The following KCNS3 variants were observed in gnomAD, a reference collection of about 807,000 sequenced individuals.
KCNS3 encodes the protein potassium voltage-gated channel modifier subfamily S member 3.
KCNS3 carries 13 observed loss-of-function variants against 31.0 expected under a neutral mutation model. That is an observed-to-expected ratio of 0.42 (90% CI 0.27 to 0.67). The LOEUF (loss-of-function observed/expected upper bound fraction) is 0.67. KCNS3 is among the 30% of genes least tolerant of loss of function. The pLI, the probability that KCNS3 is intolerant of heterozygous loss-of-function variation, is 0.25. For missense variants in KCNS3, 545 were observed against 622.4 expected, an observed-to-expected ratio of 0.88 and a Z score of 1.32; for synonymous variants, 238 against 241.5, an observed-to-expected ratio of 0.99 and a Z score of 0.13.
intron 2 of KCNS3, among the ~76,000 whole-genome samples, chr2:17,927,706 T>C (rs1187009277): frequency 2.0e-5 from 3 of 152,158 alleles, no homozygotes; most frequent in African/African-American, 7.2e-5. Flanking sequence ...ACCCCCATGA[T>C]CCAATCACCT....
chr2:17,916,828 C>CT (rs11296020), intron 1 of KCNS3, among the ~76,000 whole-genome samples: 101 of 146,704 alleles, frequency 6.9e-4, no homozygotes, highest in African/African-American at 7.0e-4. Context: ...GCCAGAGGCA[C>CT]TTTTTTTTTT....
At chr2:17,920,119 C>T (rs1423581045) in intron 2 of KCNS3, among the ~76,000 whole-genome samples, 1 of 151,952 alleles carries the variant, frequency 6.6e-6, no homozygotes, top group Non-Finnish European at 1.5e-5. Flanking sequence ...AAAAAGAAGG[C>T]AGTGTTAAAT....
intron 1 of KCNS3, among the ~76,000 whole-genome samples, chr2:17,909,360 C>A (rs1429829472): frequency 6.6e-6 from 1 of 152,136 alleles, no homozygotes; most frequent in African/African-American, 2.4e-5. Flanking sequence ...ATCTGTCACC[C>A]CTTACCTTAG....
chr2:17,888,388 A>G (rs1661741523), intron 1 of KCNS3, among the ~76,000 whole-genome samples: 1 of 151,770 alleles, frequency 6.6e-6, no homozygotes, highest in African/African-American at 2.4e-5. Flanking sequence ...TGATTTTCGT[A>G]TAAGATGAGA....
intron 2 of KCNS3, among the ~76,000 whole-genome samples, chr2:17,919,855 A>G (rs760075449): frequency 2.6e-5 from 4 of 152,216 alleles, no homozygotes; most frequent in African/African-American, 9.6e-5. Context: ...GATCCTCGCC[A>G]TGCTCAGACA....
At chr2:17,905,585 T>C (rs13409836) in intron 1 of KCNS3, among the ~76,000 whole-genome samples, 32,427 of 151,846 alleles carry the variant, frequency 0.21, 3,895 homozygotes, top group East Asian at 0.46. Context: ...CAGTATGATA[T>C]TGGCTGTGGG....
intron 1 of KCNS3, among the ~76,000 whole-genome samples, chr2:17,880,449 A>G (rs1271991289): frequency 1.4e-4 from 21 of 152,126 alleles, no homozygotes; most frequent in Admixed American, 1.3e-3. Flanking sequence ...CTCTTGTTCT[A>G]ATATTATGTT....
intron 1 of KCNS3, among the ~76,000 whole-genome samples, chr2:17,904,101 A>G: frequency 6.6e-6 from 1 of 152,182 alleles, no homozygotes. Context: ...CTATTTCTCC[A>G]CATCCTCTCC....
intron 2 of KCNS3, among the ~76,000 whole-genome samples, chr2:17,929,126 GAT>G (rs1421491915): frequency 2.0e-5 from 3 of 152,186 alleles, no homozygotes; most frequent in African/African-American, 7.2e-5. Context: ...TCTTTGGACT[GAT>G]ATACAGGGTC....
At position 17,902,334 on chromosome 2, in the gene KCNS3, CTG is replaced by C. The variant is rs61498649; in HGVS notation, c.-251-15306_-251-15305del. ...CAGAGAGGAATTTGAGGTTGGGAGA[CTG>C]TGTGTGTGTGTGTGTGTGTGTGTGT... is the stretch of plus-strand genomic sequence containing the variant. On this transcript the variant is annotated intron_variant, in intron 1 of 2. Transcript: ENST00000304101. 9.2e-3 allele frequency among the ~76,000 whole-genome samples: 1,376 copies of C among 149,726 alleles called. 30 individuals are homozygous for C. Among genetic ancestry groups the C allele is most frequent in the East Asian group, 0.083 (413 of 5,006 alleles).
rs1219557587 is a variant in KCNS3, at chr2:17,932,245, T to C, written c.1237T>C (p.Tyr413His). The change falls in exon 3 of 3, where the codon TAC becomes CAC. Residue 413 changes from tyrosine to histidine, a missense_variant. Coordinates refer to ENST00000304101, the MANE Select transcript of KCNS3 (RefSeq NM_002252.5). The part of the protein sequence containing the change: ...TIIFNKFSKY[Y>H]QKQKDIDVDQ... Reference sequence around the variant, plus strand: ...CATCTTCAACAAGTTTTCCAAGTACTACCAGAAGCAAAAGGACATTGATGT... The same window carrying C: ...CATCTTCAACAAGTTTTCCAAGTACCACCAGAAGCAAAAGGACATTGATGT... 1 of 1,613,734 alleles carries C rather than the reference T, an allele frequency of 6.2e-7. No homozygotes were observed. The highest frequency in any genetic ancestry group is 2.2e-5 in the East Asian group (1 of 44,886).
At chr2:17,892,259 T>C (rs1661877831) in intron 1 of KCNS3, among the ~76,000 whole-genome samples, 1 of 150,228 alleles carries the variant, frequency 6.7e-6, no homozygotes, top group Non-Finnish European at 1.5e-5. Flanking sequence ...TAAAAGTGGG[T>C]CTGAAGTTTC....
At chr2:17,927,033 G>A (rs1662855067) in intron 2 of KCNS3, among the ~76,000 whole-genome samples, 1 of 152,156 alleles carries the variant, frequency 6.6e-6, no homozygotes, top group Non-Finnish European at 1.5e-5. Context: ...GCTTTTAAGA[G>A]CACCTAGGTC....
At chr2:17,925,997 T>C (rs190637748) in intron 2 of KCNS3, among the ~76,000 whole-genome samples, 368 of 152,252 alleles carry the variant, frequency 2.4e-3, no homozygotes, top group Middle Eastern at 6.8e-3. Flanking sequence ...CAAGATACAA[T>C]GGGGGTACAG....
intron 1 of KCNS3, among the ~76,000 whole-genome samples, chr2:17,886,510 G>T (rs2125232236): frequency 6.6e-6 from 1 of 152,298 alleles, no homozygotes; most frequent in Admixed American, 6.5e-5. Context: ...GGCCACTGAT[G>T]TAAGACCCCA....
chr2:17,920,325 C>G (rs1245144540), intron 2 of KCNS3, among the ~76,000 whole-genome samples: 2 of 152,144 alleles, frequency 1.3e-5, no homozygotes, highest in Non-Finnish European at 2.9e-5. Flanking sequence ...AAAGCAGGTG[C>G]ATTATCAGAG....
In KCNS3 at chr2:17,884,264, AAAAAATATATATATAT is replaced by A. The variant is rs1480098224; in HGVS notation, c.-252+5460_-252+5475del. 1.7e-3 allele frequency among the ~76,000 whole-genome samples: 82 copies of A among 48,052 alleles called. 1 individual carries two copies. The highest frequency in any genetic ancestry group is 3.1e-3 in the East Asian group (4 of 1,304). The allele number at this position is 48,052 out of a possible 152,430, so 31.5% of individuals were successfully genotyped here. A position where few individuals can be genotyped will look rare whatever the true frequency, so the allele number is the denominator to read the frequency against. ...AGAACTTAAAGTATAATTAAAAAAA[AAAAAATATATATATAT>A]ATATATATATATATATATATATATT... On this transcript the variant is annotated intron_variant, in intron 1 of 2. Transcript: ENST00000304101.
intron 1 of KCNS3, among the ~76,000 whole-genome samples, chr2:17,893,754 TCA>T (rs1456814497): frequency 6.6e-6 from 1 of 152,142 alleles, no homozygotes; most frequent in East Asian, 1.9e-4. Context: ...GTTGGGGCAC[TCA>T]CAGTATTTGT....
At position 17,932,467 on chromosome 2, in the gene KCNS3, A is replaced by T; in HGVS notation, c.1459A>T (p.Asn487Tyr). Residue 487 changes from asparagine to tyrosine, a missense_variant, in exon 3 of 3, where the codon AAT becomes TAT. By Grantham distance (143) the Asn-to-Tyr change is moderately radical. Transcript: ENST00000304101. ...CATTTGTAACACCACCTCCTTGGAG[A>T]ATTGCACAGCAAAATGAGCGGGGGT... is the stretch of plus-strand genomic sequence containing the variant. ...EDICNTTSLE[N>Y]CTAK The T allele has an allele frequency of 6.2e-7, 1 of 1,611,322 alleles. No homozygotes were observed. The highest frequency in any genetic ancestry group is 1.1e-5 in the South Asian group (1 of 90,460).
Sources: gnomAD v4.1 joint callset for allele counts (sites outside exome capture counted in the v4.1 genomes callset) on GRCh38, gnomAD v4.1.1 for gene constraint, MANE v1.5 for transcripts, NCBI Gene and HGNC (gene_info 2026-07-23, HGNC 2026-07-21) for gene names.